Variants in NR2C2 observed in about 807,000 individuals in gnomAD.
NR2C2 encodes nuclear receptor subfamily 2 group C member 2.
NR2C2 carries 6 observed loss-of-function variants against 62.9 expected under a neutral mutation model. The observed-to-expected ratio is 0.10, with a 90% CI of 0.05 to 0.19. The LOEUF (loss-of-function observed/expected upper bound fraction) is 0.19. Ranked by LOEUF, NR2C2 falls within the 10% of genes least tolerant of loss-of-function variation. The probability of loss-of-function intolerance (pLI) is 1.00; values close to 1 mark genes in which losing one functional copy is unlikely to be tolerated. For missense variants in NR2C2, 479 were observed against 762.7 expected (o/e 0.63, Z 4.38); for synonymous variants, 272 against 273.8 (o/e 0.99, Z 0.07).
At chr3:14,998,430 T>C (rs1007395595) in intron 1 of NR2C2, among the ~76,000 whole-genome samples, 1 of 152,212 alleles carries the variant, frequency 6.6e-6, no homozygotes, top group Non-Finnish European at 1.5e-5. Context: ...CAATACTTGT[T>C]ATTGTCCATG....
intron 4 of NR2C2, 50 bp downstream of exon 4, chr3:15,016,304 A>C (rs780334128): frequency 1.5e-6 from 2 of 1,354,146 alleles, no homozygotes; most frequent in Non-Finnish European, 1.1e-6. Context: ...AACAGCATGA[A>C]GTAACTGTTG....
intron 1 of NR2C2, among the ~76,000 whole-genome samples, chr3:14,952,721 C>T (rs1016476077): frequency 6.6e-6 from 1 of 152,174 alleles, no homozygotes; most frequent in Non-Finnish European, 1.5e-5. Context: ...GGTTTGCTTG[C>T]CTTCAACTTA....
chr3:14,959,796 A>G (rs930480213), intron 1 of NR2C2, among the ~76,000 whole-genome samples: 1 of 152,222 alleles, frequency 6.6e-6, no homozygotes, highest in Non-Finnish European at 1.5e-5. Context: ...CAGTAAAAAG[A>G]TAGTGGTGGT....
chr3:15,016,743 G>A (rs557286606), intron 4 of NR2C2, among the ~76,000 whole-genome samples: 1 of 152,340 alleles, frequency 6.6e-6, no homozygotes, highest in East Asian at 1.9e-4. Flanking sequence ...GCACCTGGGA[G>A]CCTTGGTAAT....
At chr3:14,993,209 T>C (rs1383594366) in intron 1 of NR2C2, among the ~76,000 whole-genome samples, 1 of 152,184 alleles carries the variant, frequency 6.6e-6, no homozygotes, top group Non-Finnish European at 1.5e-5. Flanking sequence ...GTCCTAGCCC[T>C]TTGGGAGGCC....
At chr3:14,993,810 G>C (rs1044369530) in intron 1 of NR2C2, among the ~76,000 whole-genome samples, 11 of 152,080 alleles carry the variant, frequency 7.2e-5, no homozygotes, top group African/African-American at 2.4e-4. Context: ...TCAGGTAAAA[G>C]GTCTTTTGGG....
chr3:14,985,994 G>T (rs2040504379), intron 1 of NR2C2, among the ~76,000 whole-genome samples: 1 of 152,032 alleles, frequency 6.6e-6, no homozygotes, highest in East Asian at 1.9e-4. Flanking sequence ...TATGCAAGAA[G>T]TAGCACCATT....
At chr3:15,036,321 A>G (rs1350704559) in intron 11 of NR2C2, among the ~76,000 whole-genome samples, 6 of 152,134 alleles carry the variant, frequency 3.9e-5, no homozygotes, top group South Asian at 2.1e-4. Context: ...TGTGGCAACT[A>G]TCTAGTATTT....
chr3:14,997,309 T>C (rs753546527), intron 1 of NR2C2, among the ~76,000 whole-genome samples: 4 of 152,244 alleles, frequency 2.6e-5, no homozygotes, highest in East Asian at 1.9e-4. Context: ...GTACATGTTA[T>C]CATGTTCACA....
chr3:15,012,694 A>C lies in NR2C2; in HGVS notation c.73-895A>C, dbSNP rs899885479. Among the ~76,000 whole-genome samples, 22 of 152,260 alleles carry C rather than the reference A, an allele frequency of 1.4e-4. 4 individuals carry two copies. The highest frequency in any genetic ancestry group is 1.3e-3 in the East Asian group (7 of 5,186). ...TAAGGGTCTGCTGGTGCCTGGAGGG[A>C]GAGGTGGCAGTGCTGCTAGCCAGGA... On this transcript the variant is annotated intron_variant, in intron 2 of 13. Coordinates refer to ENST00000425241, the MANE Select transcript of NR2C2 (RefSeq NM_001291694.2).
At chr3:15,000,128 C>T (rs142573172) in intron 1 of NR2C2, among the ~76,000 whole-genome samples, 1 of 152,178 alleles carries the variant, frequency 6.6e-6, no homozygotes, top group Non-Finnish European at 1.5e-5. Context: ...GAAAAGTATT[C>T]CTCCTAAGAT....
At chr3:14,988,475 C>T (rs2040571254) in intron 1 of NR2C2, among the ~76,000 whole-genome samples, 1 of 152,142 alleles carries the variant, frequency 6.6e-6, no homozygotes, top group Admixed American at 6.5e-5. Flanking sequence ...ACGTGGGTTC[C>T]CAGAAGTATA....
intron 1 of NR2C2, among the ~76,000 whole-genome samples, chr3:14,965,081 C>T (rs556003984): frequency 6.6e-6 from 1 of 152,310 alleles, no homozygotes; most frequent in East Asian, 1.9e-4. Flanking sequence ...GCAGAGAACC[C>T]ATGCAGACAT....
chr3:14,957,975 A>G lies in NR2C2; in HGVS notation c.-40+10069A>G, dbSNP rs143318587. On this transcript the variant is annotated intron_variant, in intron 1 of 13. Coordinates refer to ENST00000425241, the MANE Select transcript of NR2C2 (RefSeq NM_001291694.2). ...TCTTCCTCATACCTGCCAGTTTTGT[A>G]TGAGCTGTCCTCTCTGCTTAGAACT... is the stretch of plus-strand genomic sequence containing the variant. Among the ~76,000 whole-genome samples, 202 of 152,220 alleles carry G rather than the reference A, an allele frequency of 1.3e-3. 2 individuals carry two copies. Among genetic ancestry groups the G allele is most frequent in the African/African-American group, 4.9e-3 (202 of 41,520 alleles).
At chr3:14,978,381 A>T (rs1291400821) in intron 1 of NR2C2, among the ~76,000 whole-genome samples, 1 of 152,198 alleles carries the variant, frequency 6.6e-6, no homozygotes, top group Non-Finnish European at 1.5e-5. Flanking sequence ...TTTATAATAA[A>T]CTTGAATATC....
chr3:14,995,244 C>T lies in NR2C2; in HGVS notation c.-39-8632C>T, dbSNP rs150103295. Among the ~76,000 whole-genome samples, 50 of 148,946 alleles carry T rather than the reference C, an allele frequency of 3.4e-4. No homozygotes were observed. The East Asian group carries it at 9.3e-3, about 28-fold the overall frequency. ...GTTCACCTATTTAAGGTGTAGAATT[C>T]TGTGGCTTTTCGTATATTTACAATA... On this transcript the variant is annotated intron_variant, in intron 1 of 13. Transcript: ENST00000425241.
Position 14,962,919 on chromosome 3 carries a change from T to G in NR2C2, c.-40+15013T>G, listed in dbSNP as rs117059272. ...GGATTGTACTAAGTGCTGAGTTATA[T>G]GGGGGTGAATGAGTCATGGGTTGTT... On this transcript the variant is annotated intron_variant, in intron 1 of 13. Coordinates refer to ENST00000425241, the MANE Select transcript of NR2C2 (RefSeq NM_001291694.2). Among the ~76,000 whole-genome samples the G allele has an allele frequency of 1.1e-4, 16 of 152,276 alleles. No homozygotes were observed. In the East Asian group the frequency reaches 3.1e-3, roughly 29 times the overall value.
At chr3:14,989,070 G>T (rs1226591258) in intron 1 of NR2C2, among the ~76,000 whole-genome samples, 2 of 152,078 alleles carry the variant, frequency 1.3e-5, no homozygotes, top group Non-Finnish European at 2.9e-5. Flanking sequence ...AGTTGTTGAG[G>T]TATAAAAACC....
At chr3:15,007,507 C>T (rs2041220127) in intron 2 of NR2C2, among the ~76,000 whole-genome samples, 1 of 152,088 alleles carries the variant, frequency 6.6e-6, no homozygotes, top group African/African-American at 2.4e-5. Flanking sequence ...TAACATGTAC[C>T]ATAAATTGAA....
Sources: gnomAD v4.1 joint callset for allele counts (sites outside exome capture counted in the v4.1 genomes callset) on GRCh38, gnomAD v4.1.1 for gene constraint, MANE v1.5 for transcripts, NCBI Gene and HGNC (gene_info 2026-07-23, HGNC 2026-07-21) for gene names.